KBTBD12: variants seen among roughly 807,000 people sequenced by gnomAD.
The protein encoded by KBTBD12 is kelch repeat and BTB domain containing 12.
In KBTBD12, 53 loss-of-function variants were observed where a neutral mutation model predicts 58.7. The ratio of observed to expected loss-of-function variants is 0.90; its 90% CI spans 0.72 to 1.14. KBTBD12 has a LOEUF of 1.14. Among genes scored for constraint, KBTBD12 ranks in the 50% most tolerant of loss-of-function variants. The pLI is 0.00. For synonymous variants in KBTBD12, 236 were observed against 259.8 expected, an observed-to-expected ratio of 0.91 and a Z score of 0.88; for missense variants, 704 against 751.3, an observed-to-expected ratio of 0.94 and a Z score of 0.74.
At position 127,967,211 on chromosome 3, in the gene KBTBD12, G is replaced by A. The variant is rs557181096; in HGVS notation, c.1690+3825G>A. On this transcript the variant is annotated intron_variant, in intron 5 of 5. Transcript: ENST00000405109. Reference sequence around the variant, plus strand: ...GGAGATTCAAGAAGCTGCAAAGCAGGCCGAAAGAGTGGCCAGAATAGAATG... The same window carrying A: ...GGAGATTCAAGAAGCTGCAAAGCAGACCGAAAGAGTGGCCAGAATAGAATG... 5.3e-5 allele frequency among the ~76,000 whole-genome samples: 8 copies of A among 152,310 alleles called. 1 individual carries two copies. The South Asian group carries it at 1.7e-3, about 32-fold the overall frequency.
chr3:127,973,154 C>T (rs981120285), intron 5 of KBTBD12, among the ~76,000 whole-genome samples: 25 of 152,096 alleles, frequency 1.6e-4, no homozygotes, highest in Admixed American at 1.4e-3. Context: ...CTTCTCATGT[C>T]CCCACCACCA....
intron 5 of KBTBD12, chr3:127,963,687 T>G: frequency 7.3e-6 from 2 of 272,402 alleles, no homozygotes. Context: ...GATTAGTACT[T>G]GGGTGGGAGA....
Position 127,987,213 on chromosome 3 carries a change from C to T in KBTBD12, c.*2935C>T, listed in dbSNP as rs1464637456. 3 of 152,216 alleles carry T rather than the reference C, an allele frequency of 2.0e-5. No homozygotes were observed. The highest frequency in any genetic ancestry group is 4.4e-5 in the Non-Finnish European group (3 of 68,044). The allele number at this position is 152,216 out of a possible 1,614,324, so 9.4% of individuals were successfully genotyped here. A position where few individuals can be genotyped will look rare whatever the true frequency, so the allele number is the denominator to read the frequency against. On this transcript the variant is annotated 3_prime_UTR_variant, in exon 6 of 6. Transcript: ENST00000405109. ...CCGGTGCTTCACAGATTTCAGATGT[C>T]TGATCTTGATTTTTCTTTGATTCCA...
intron 4 of KBTBD12, among the ~76,000 whole-genome samples, chr3:127,939,856 T>C (rs1939914597): frequency 6.6e-6 from 1 of 152,146 alleles, no homozygotes; most frequent in African/African-American, 2.4e-5. Context: ...ATATTCTGTG[T>C]ACATGAAACC....
intron 5 of KBTBD12, among the ~76,000 whole-genome samples, chr3:127,965,885 A>G (rs1232953975): frequency 1.3e-5 from 2 of 152,210 alleles, no homozygotes; most frequent in African/African-American, 4.8e-5. Context: ...CAACAGAAAA[A>G]ACAAAAAACA....
chr3:127,930,408 A>AATTTGT, intron 4 of KBTBD12, 125 bp downstream of exon 4: 2 of 815,742 alleles, frequency 2.5e-6, no homozygotes, highest in Non-Finnish European at 3.8e-6. Context: ...AACTAGCTGA[A>AATTTGT]CTTTGTCTTT....
At chr3:127,925,614 A>G (rs192654945) in intron 2 of KBTBD12, among the ~76,000 whole-genome samples, 6 of 152,292 alleles carry the variant, frequency 3.9e-5, no homozygotes, top group Non-Finnish European at 7.4e-5. Flanking sequence ...ATGTCTAACT[A>G]TATACCCCAT....
intron 4 of KBTBD12, among the ~76,000 whole-genome samples, chr3:127,939,244 G>A (rs867000311): frequency 6.6e-6 from 1 of 152,160 alleles, no homozygotes; most frequent in Non-Finnish European, 1.5e-5. Context: ...TTCCAAGAGG[G>A]TGTGGTCAAC....
At chr3:127,956,922 C>T (rs918929324) in intron 4 of KBTBD12, among the ~76,000 whole-genome samples, 1 of 152,196 alleles carries the variant, frequency 6.6e-6, no homozygotes, top group Non-Finnish European at 1.5e-5. Flanking sequence ...CATTTTGTTA[C>T]TCCTGAATCC....
At chr3:127,974,688 G>A (rs1940746441) in intron 5 of KBTBD12, among the ~76,000 whole-genome samples, 2 of 152,128 alleles carry the variant, frequency 1.3e-5, no homozygotes, top group Non-Finnish European at 2.9e-5. Context: ...AAGTTTCCAA[G>A]TATAAAAATA....
intron 1 of KBTBD12, among the ~76,000 whole-genome samples, chr3:127,916,290 GCA>G (rs1321861999): frequency 6.6e-6 from 1 of 152,202 alleles, no homozygotes; most frequent in African/African-American, 2.4e-5. Context: ...CTAGTGAGAA[GCA>G]CAGAGTACAT....
intron 3 of KBTBD12, among the ~76,000 whole-genome samples, chr3:127,929,108 T>C (rs1382053677): frequency 6.6e-6 from 1 of 152,138 alleles, no homozygotes; most frequent in Non-Finnish European, 1.5e-5. Context: ...TTCACTAAAA[T>C]AGAGATTAAA....
intron 5 of KBTBD12, among the ~76,000 whole-genome samples, chr3:127,977,300 A>G (rs1160543096): frequency 6.6e-6 from 1 of 152,172 alleles, no homozygotes; most frequent in Non-Finnish European, 1.5e-5. Flanking sequence ...GATAATACAC[A>G]TGCATGTGTC....
chr3:127,986,186 C>G lies in KBTBD12; in HGVS notation c.*1908C>G, dbSNP rs951929107. Reference sequence around the variant, plus strand: ...GGTTCAAGATCTGGGTTCCAGCCCCCGCTCTGCTACTTAGCTAACCATGTG... The same window carrying G: ...GGTTCAAGATCTGGGTTCCAGCCCCGGCTCTGCTACTTAGCTAACCATGTG... On this transcript the variant is annotated 3_prime_UTR_variant, in exon 6 of 6. Coordinates refer to ENST00000405109, the MANE Select transcript of KBTBD12 (RefSeq NM_207335.4). 1 of 152,610 alleles carries G rather than the reference C, an allele frequency of 6.6e-6. No individual in the cohort carries two copies. Among genetic ancestry groups the G allele is most frequent in the Non-Finnish European group, 1.5e-5 (1 of 68,044 alleles). 9.5% of individuals were successfully genotyped at this position (152,610 alleles called of 1,614,324 possible).
At chr3:127,962,620 T>G (rs184134779) in intron 4 of KBTBD12, among the ~76,000 whole-genome samples, 13 of 152,340 alleles carry the variant, frequency 8.5e-5, no homozygotes, top group Admixed American at 8.5e-4. Context: ...AATTATCTGA[T>G]GAATGAACTA....
intron 5 of KBTBD12, among the ~76,000 whole-genome samples, chr3:127,964,315 C>T (rs1484025159): frequency 6.6e-6 from 1 of 152,064 alleles, no homozygotes; most frequent in Non-Finnish European, 1.5e-5. Context: ...CCTGCCTTCA[C>T]TCTTTAAGCA....
At position 127,922,441 on chromosome 3, in the gene KBTBD12, T is replaced by G. The variant is rs1300605739; in HGVS notation, c.-112-509T>G. Among the ~76,000 whole-genome samples, 4 of 152,260 alleles carry G rather than the reference T, an allele frequency of 2.6e-5. No individual in the cohort carries two copies. In the East Asian group the frequency reaches 7.7e-4, roughly 29 times the overall value. ...CCCACATCAAAGTTTGAGCAGAATT[T>G]TAGTGGACCTTTTTTCAGTTTTTCC... On this transcript the variant is annotated intron_variant, in intron 1 of 5. Coordinates refer to ENST00000405109, the MANE Select transcript of KBTBD12 (RefSeq NM_207335.4).
chr3:127,928,594 AC>A (rs1939630744), intron 3 of KBTBD12, among the ~76,000 whole-genome samples: 1 of 152,230 alleles, frequency 6.6e-6, no homozygotes, highest in Admixed American at 6.5e-5. Context: ...GTGATGGCAA[AC>A]CAAAGTGAAA....
intron 5 of KBTBD12, among the ~76,000 whole-genome samples, chr3:127,969,921 CAA>C (rs1001593436): frequency 1.3e-5 from 2 of 151,154 alleles, no homozygotes; most frequent in Non-Finnish European, 2.9e-5. Flanking sequence ...TTAGAAATGC[CAA>C]AGCACACATA....
Sources: allele counts gnomAD v4.1 joint callset (sites outside exome capture counted in the v4.1 genomes callset), GRCh38; gene constraint gnomAD v4.1.1; transcripts MANE v1.5; gene names NCBI Gene and HGNC (gene_info 2026-07-23, HGNC 2026-07-21).